The following INPP4B variants were observed in gnomAD, a reference collection of about 807,000 sequenced individuals.
INPP4B encodes inositol polyphosphate-4-phosphatase type II B, also known as inositol polyphosphate 4-phosphatase type II.
A neutral mutation model predicts 122.5 loss-of-function variants in INPP4B; 55 were observed. The ratio of observed to expected loss-of-function variants is 0.45; its 90% CI spans 0.36 to 0.56. The LOEUF is 0.56. Among genes scored for constraint, INPP4B ranks in the 20% least tolerant of loss-of-function variants. The pLI, the probability that INPP4B is intolerant of heterozygous loss-of-function variation, is 0.00. For missense variants in INPP4B, 1,000 were observed against 1,097.7 expected (o/e 0.91, Z 1.26); for synonymous variants, 403 against 388.7 (o/e 1.04, Z -0.43).
intron 2 of INPP4B, among the ~76,000 whole-genome samples, chr4:142,670,110 C>T (rs1405857567): frequency 6.6e-6 from 1 of 152,058 alleles, no homozygotes; most frequent in Admixed American, 6.6e-5. Flanking sequence ...ATGCTACTTG[C>T]CCATTAATCA....
chr4:142,816,030 CA>C (rs1780077850), intron 1 of INPP4B, among the ~76,000 whole-genome samples: 1 of 152,062 alleles, frequency 6.6e-6, no homozygotes, highest in African/African-American at 2.4e-5. Flanking sequence ...GTGTCCCCAC[CA>C]GTGTTTCTGT....
Position 142,026,442 on chromosome 4 carries a change from A to T in INPP4B, c.*2340T>A, listed in dbSNP as rs990838701. ...AAGCATTTGTATTACAGTAAGCACT[A>T]TAATTTGAGACTTCTATATTATTCA... On this transcript the variant is annotated 3_prime_UTR_variant, in exon 26 of 26. Transcript: ENST00000262992. 2 of 152,204 alleles carry T rather than the reference A, an allele frequency of 1.3e-5. No homozygotes were observed. The highest frequency in any genetic ancestry group is 2.9e-5 in the Non-Finnish European group (2 of 68,038). The allele number at this position is 152,204 out of a possible 1,614,324, so 9.4% of individuals were successfully genotyped here. A position where few individuals can be genotyped will look rare whatever the true frequency, so the allele number is the denominator to read the frequency against.
chr4:142,361,669 T>C (rs79366395), intron 7 of INPP4B, among the ~76,000 whole-genome samples: 4,331 of 152,024 alleles, frequency 0.028, 77 homozygotes, highest in Middle Eastern at 0.061. Flanking sequence ...CTTCATAACA[T>C]TGATTAAAAT....
chr4:142,193,907 C>T (rs1837094544), intron 14 of INPP4B, among the ~76,000 whole-genome samples: 2 of 152,010 alleles, frequency 1.3e-5, no homozygotes, highest in Admixed American at 1.3e-4. Flanking sequence ...TCAAAACATG[C>T]CATCATTTTT....
At chr4:142,118,375 G>T (rs1272240796) in intron 21 of INPP4B, among the ~76,000 whole-genome samples, 1 of 149,276 alleles carries the variant, frequency 6.7e-6, no homozygotes, top group African/African-American at 2.6e-5. Flanking sequence ...GAGGCATCAT[G>T]CTATCTGACT....
At chr4:142,462,617 A>C (rs997008969) in intron 3 of INPP4B, 46 bp downstream of exon 3, 1 of 152,192 alleles carries the variant, frequency 6.6e-6, no homozygotes, top group Non-Finnish European at 1.5e-5. Context: ...ATCAGTTTAA[A>C]TGAATACAAT....
At chr4:142,103,707 A>G (rs139078974) in intron 23 of INPP4B, among the ~76,000 whole-genome samples, 2 of 152,240 alleles carry the variant, frequency 1.3e-5, no homozygotes, top group Non-Finnish European at 2.9e-5. Flanking sequence ...CTCATCTTTC[A>G]TCATCCAAAC....
chr4:142,271,962 G>A (rs1746078694), intron 9 of INPP4B, among the ~76,000 whole-genome samples: 1 of 152,128 alleles, frequency 6.6e-6, no homozygotes, highest in Non-Finnish European at 1.5e-5. Flanking sequence ...TGGAAACACT[G>A]CACATATAAT....
chr4:142,145,530 A>T (rs1810221499), intron 18 of INPP4B, among the ~76,000 whole-genome samples: 1 of 152,158 alleles, frequency 6.6e-6, no homozygotes, highest in Non-Finnish European at 1.5e-5. Context: ...TATCTTTCTA[A>T]TAAAATTTTG....
At chr4:142,430,773 T>C (rs1164960595) in intron 4 of INPP4B, among the ~76,000 whole-genome samples, 4 of 152,104 alleles carry the variant, frequency 2.6e-5, no homozygotes, top group East Asian at 1.9e-4. Flanking sequence ...AAGTACCTTT[T>C]GGGTTTAAAG....
intron 1 of INPP4B, among the ~76,000 whole-genome samples, chr4:142,805,476 A>G (rs563317896): frequency 1.3e-5 from 2 of 152,322 alleles, no homozygotes; most frequent in Admixed American, 1.3e-4. Flanking sequence ...AGGTAGTGGA[A>G]TATAAATTAC....
At chr4:142,245,974 ATG>A (rs1277875503) in intron 11 of INPP4B, among the ~76,000 whole-genome samples, 1 of 22,710 alleles carries the variant, frequency 4.4e-5, no homozygotes, top group Non-Finnish European at 1.1e-4. Flanking sequence ...GTATACACAC[ATG>A]TGTGTATGTA....
At chr4:142,191,288 C>T (rs1299426161) in intron 15 of INPP4B, among the ~76,000 whole-genome samples, 1 of 152,144 alleles carries the variant, frequency 6.6e-6, no homozygotes, top group Admixed American at 6.6e-5. Flanking sequence ...TTTCTCAATG[C>T]AGCAAAGCAC....
chr4:142,659,364 C>T (rs747702588), intron 2 of INPP4B, among the ~76,000 whole-genome samples: 1 of 151,770 alleles, frequency 6.6e-6, no homozygotes, highest in Non-Finnish European at 1.5e-5. Flanking sequence ...CAAGATCACG[C>T]CACTGCACTC....
intron 10 of INPP4B, among the ~76,000 whole-genome samples, chr4:142,265,830 T>A (rs2150476002): frequency 6.6e-6 from 1 of 152,306 alleles, no homozygotes; most frequent in African/African-American, 2.4e-5. Flanking sequence ...TTCATGTTCC[T>A]AAGCCAGAAA....
intron 2 of INPP4B, among the ~76,000 whole-genome samples, chr4:142,622,680 G>A (rs1289849507): frequency 7.2e-5 from 11 of 151,832 alleles, no homozygotes; most frequent in Admixed American, 7.2e-4. Flanking sequence ...TCCAAGAGAA[G>A]GAACTTGGTT....
At chr4:142,269,480 T>C (rs2150545226) in intron 10 of INPP4B, among the ~76,000 whole-genome samples, 1 of 152,256 alleles carries the variant, frequency 6.6e-6, no homozygotes, top group East Asian at 1.9e-4. Flanking sequence ...CCTTGGTCAT[T>C]TTTTTAGCTT....
chr4:142,737,153 A>T (rs2150903251), intron 1 of INPP4B, among the ~76,000 whole-genome samples: 1 of 152,318 alleles, frequency 6.6e-6, no homozygotes, highest in Admixed American at 6.5e-5. Context: ...TGCATTGCCA[A>T]GTCAATCCTA....
chr4:142,800,540 T>C (rs1251626992), intron 1 of INPP4B, among the ~76,000 whole-genome samples: 2 of 152,276 alleles, frequency 1.3e-5, no homozygotes, highest in East Asian at 3.9e-4. Context: ...ATTAAAGAAT[T>C]TGAATTTTCA....
Sources: gnomAD v4.1 joint callset for allele counts (sites outside exome capture counted in the v4.1 genomes callset) on GRCh38, gnomAD v4.1.1 for gene constraint, MANE v1.5 for transcripts, NCBI Gene and HGNC (gene_info 2026-07-23, HGNC 2026-07-21) for gene names.